MCPH1: variants seen among roughly 807,000 people sequenced by gnomAD.
The protein encoded by MCPH1 is microcephalin 1, also known as microcephalin.
MCPH1 carries 104 observed loss-of-function variants against 84.5 expected under a neutral mutation model. The ratio of observed to expected loss-of-function variants is 1.23; its 90% confidence interval spans 1.05 to 1.45. The LOEUF is 1.45. Among genes scored for constraint, MCPH1 ranks in the 40% most tolerant of loss-of-function variants. The pLI, the probability that MCPH1 is intolerant of heterozygous loss-of-function variation, is 0.00. For missense variants in MCPH1, 1,498 were observed against 1,005.7 expected (o/e 1.49, Z -6.62); for synonymous variants, 514 against 366.8 (o/e 1.40, Z -4.58).
At chr8:6,544,872 G>C (rs535006322) in intron 12 of MCPH1, among the ~76,000 whole-genome samples, 1 of 152,254 alleles carries the variant, frequency 6.6e-6, no homozygotes, top group African/African-American at 2.4e-5. Context: ...TGTCATTTCA[G>C]ATTGAACCTG....
At chr8:6,558,517 C>A (rs1019961717) in intron 12 of MCPH1, among the ~76,000 whole-genome samples, 2 of 152,146 alleles carry the variant, frequency 1.3e-5, no homozygotes, top group Non-Finnish European at 2.9e-5. Context: ...GACCATTATC[C>A]TTCTCAAGTT....
intron 4 of MCPH1, among the ~76,000 whole-genome samples, chr8:6,433,674 G>C (rs149383795): frequency 6.8e-6 from 1 of 146,120 alleles, no homozygotes; most frequent in Admixed American, 6.9e-5. Flanking sequence ...GTGATACTCT[G>C]ACCAATATTG....
At chr8:6,544,442 C>G (rs1822173541) in intron 12 of MCPH1, among the ~76,000 whole-genome samples, 1 of 152,154 alleles carries the variant, frequency 6.6e-6, no homozygotes. Context: ...CCAAGACCTC[C>G]TAACCCAAAA....
At chr8:6,604,082 C>A (rs138447844) in intron 12 of MCPH1, among the ~76,000 whole-genome samples, 1 of 151,790 alleles carries the variant, frequency 6.6e-6, no homozygotes, top group African/African-American at 2.4e-5. Context: ...AACAGGCACA[C>A]TCTGCTGGTG....
chr8:6,433,733 G>C (rs1219344337), intron 4 of MCPH1, among the ~76,000 whole-genome samples: 3 of 149,422 alleles, frequency 2.0e-5, no homozygotes, highest in Non-Finnish European at 4.4e-5. Context: ...ATTAATGATT[G>C]CTTGTACACT....
chr8:6,569,297 G>A (rs1400089970), intron 12 of MCPH1, among the ~76,000 whole-genome samples: 5 of 152,112 alleles, frequency 3.3e-5, no homozygotes, highest in African/African-American at 1.2e-4. Context: ...TCCTTTATAT[G>A]CCTCCTGGAA....
In MCPH1 at chr8:6,646,232, C is replaced by G. The variant is rs894273025; in HGVS notation, c.*3183C>G. On this transcript the variant is annotated 3_prime_UTR_variant, in exon 14 of 14. Coordinates refer to ENST00000344683, the MANE Select transcript of MCPH1 (RefSeq NM_024596.5). Reference sequence around the variant, plus strand: ...TTGAAGTCGGGAGTTTAAGACCAGCCTGGCCAACTTGGTGAAACCTTGTCT... The same window carrying G: ...TTGAAGTCGGGAGTTTAAGACCAGCGTGGCCAACTTGGTGAAACCTTGTCT... 4 of 152,130 alleles carry G rather than the reference C, an allele frequency of 2.6e-5. No individual in the cohort carries two copies. Among genetic ancestry groups the G allele is most frequent in the African/African-American group, 9.7e-5 (4 of 41,418 alleles). The allele number at this position is 152,130 out of a possible 1,614,324, so 9.4% of individuals were successfully genotyped here. A position where few individuals can be genotyped will look rare whatever the true frequency, so the allele number is the denominator to read the frequency against.
At chr8:6,497,217 A>C (rs1206708721) in intron 11 of MCPH1, among the ~76,000 whole-genome samples, 4 of 152,066 alleles carry the variant, frequency 2.6e-5, no homozygotes, top group African/African-American at 4.8e-5. Context: ...GCGGTGGCTC[A>C]CACCTATAAT....
At chr8:6,554,038 G>T (rs915453659) in intron 12 of MCPH1, among the ~76,000 whole-genome samples, 2 of 151,310 alleles carry the variant, frequency 1.3e-5, no homozygotes, top group Admixed American at 6.6e-5. Flanking sequence ...CCTGAAATTT[G>T]CCGGAACAGT....
intron 11 of MCPH1, among the ~76,000 whole-genome samples, chr8:6,493,154 A>G (rs1810843970): frequency 6.6e-6 from 1 of 152,210 alleles, no homozygotes; most frequent in African/African-American, 2.4e-5. Context: ...AGTTATTTAT[A>G]AAGATGTTTG....
intron 12 of MCPH1, among the ~76,000 whole-genome samples, chr8:6,512,884 C>T (rs919189418): frequency 4.6e-5 from 7 of 152,286 alleles, no homozygotes; most frequent in African/African-American, 1.7e-4. Context: ...GTTGACTAAC[C>T]ATCCCACCTA....
At chr8:6,508,573 C>A in intron 12 of MCPH1, 1 of 415,176 alleles carries the variant, frequency 2.4e-6, no homozygotes, top group Non-Finnish European at 4.2e-6. Context: ...GTTGTGGTTG[C>A]TACTTGGAAT....
At chr8:6,457,902 C>T (rs935008438) in intron 9 of MCPH1, among the ~76,000 whole-genome samples, 8 of 152,094 alleles carry the variant, frequency 5.3e-5, no homozygotes, top group African/African-American at 9.7e-5. Flanking sequence ...GACTGGGCTG[C>T]GCATTGGACT....
rs75537228 is a variant in MCPH1 at position 6,576,095 on chromosome 8, C to G, written c.2215-45359C>G. On this transcript the variant is annotated intron_variant, in intron 12 of 13. Coordinates refer to ENST00000344683, the MANE Select transcript of MCPH1 (RefSeq NM_024596.5). ...TAATAGGAAAGGAATTAAAATATAA[C>G]GCTACCTTGCAGCCTCCACCAAACA... is the stretch of plus-strand genomic sequence containing the variant. 2.0e-5 allele frequency among the ~76,000 whole-genome samples: 3 copies of G among 150,396 alleles called. No individual in the cohort carries two copies. The East Asian group carries it at 5.9e-4, about 29-fold the overall frequency.
Position 6,447,282 on chromosome 8 carries a change from C to T in MCPH1, c.1825+1735C>T, listed in dbSNP as rs1804542288. ...ATCTTAGAAGATGAAACCATAAAGC[C>T]TTCAGTTTCAATGTCAGGGATGCAC... is the stretch of plus-strand genomic sequence containing the variant. On this transcript the variant is annotated intron_variant, in intron 8 of 13. Transcript: ENST00000344683. The T allele has an allele frequency of 5.1e-6, 5 of 985,354 alleles. No homozygotes were observed. In the South Asian group the frequency reaches 2.3e-4, roughly 46 times the overall value. 61.0% of individuals were successfully genotyped at this position (985,354 alleles called of 1,614,324 possible).
intron 4 of MCPH1, among the ~76,000 whole-genome samples, chr8:6,434,736 C>T (rs1802392866): frequency 6.6e-6 from 1 of 152,120 alleles, no homozygotes; most frequent in South Asian, 2.1e-4. Context: ...GAGACTGGAG[C>T]AAAAGAAGTT....
At chr8:6,481,785 G>A (rs556909255) in intron 11 of MCPH1, among the ~76,000 whole-genome samples, 3 of 152,252 alleles carry the variant, frequency 2.0e-5, no homozygotes, top group South Asian at 2.1e-4. Context: ...TGGCAATGGG[G>A]GATCACCTTA....
intron 12 of MCPH1, among the ~76,000 whole-genome samples, chr8:6,509,593 A>G (rs554589981): frequency 2.2e-4 from 34 of 152,272 alleles, no homozygotes; most frequent in African/African-American, 7.0e-4. Context: ...ATAGTAGGGT[A>G]ATGTAATTAA....
intron 8 of MCPH1, among the ~76,000 whole-genome samples, chr8:6,451,494 A>G (rs1805077124): frequency 6.6e-6 from 1 of 152,248 alleles, no homozygotes; most frequent in Admixed American, 6.5e-5. Context: ...GTGGGAATTA[A>G]AATTGATATT....
Sources: gnomAD v4.1 joint callset for allele counts (sites outside exome capture counted in the v4.1 genomes callset) on GRCh38, gnomAD v4.1.1 for gene constraint, MANE v1.5 for transcripts, NCBI Gene and HGNC (gene_info 2026-07-23, HGNC 2026-07-21) for gene names.